The following LRP1B variants were observed in gnomAD, a reference collection of about 807,000 sequenced individuals.
The protein encoded by LRP1B is LDL receptor related protein 1B.
A neutral mutation model predicts 556.6 loss-of-function variants in LRP1B; 217 were observed. The ratio of observed to expected loss-of-function variants is 0.39; its 90% CI spans 0.35 to 0.44. The LOEUF is 0.44. Among genes scored for constraint, LRP1B ranks in the 20% least tolerant of loss-of-function variants. The pLI is 1.00. For synonymous variants in LRP1B, 2,047 were observed against 1,865.8 expected, an observed-to-expected ratio of 1.10 and a Z score of -2.50; for missense variants, 5,053 against 5,620.8, an observed-to-expected ratio of 0.90 and a Z score of 3.23.
chr2:141,466,850 C>T (rs2105057784), intron 3 of LRP1B, among the ~76,000 whole-genome samples: 1 of 151,266 alleles, frequency 6.6e-6, no homozygotes, highest in East Asian at 1.9e-4. Context: ...TTCTGTAAAA[C>T]TACTTTTTTT....
intron 2 of LRP1B, among the ~76,000 whole-genome samples, chr2:141,792,321 A>T (rs773370519): frequency 1.5e-4 from 23 of 152,080 alleles, no homozygotes; most frequent in Middle Eastern, 3.4e-3. Flanking sequence ...CAAAACTCAG[A>T]ATCTTGTCTA....
In LRP1B at chr2:141,136,873, T is replaced by C. The variant is rs575922241; in HGVS notation, c.1013+51548A>G. On this transcript the variant is annotated intron_variant, in intron 7 of 90. Coordinates refer to ENST00000389484, the MANE Select transcript of LRP1B (RefSeq NM_018557.3). ...GTACATGACATGAAGATGAAACAGT[T>C]TGTATAAACCTATGAGTTAAAAGAA... Among the ~76,000 whole-genome samples the C allele has an allele frequency of 7.5e-4, 114 of 151,942 alleles. No homozygotes were observed. The South Asian group carries it at 0.019, about 26-fold the overall frequency.
At chr2:140,473,113 A>T (rs1031191354) in intron 60 of LRP1B, among the ~76,000 whole-genome samples, 4 of 152,002 alleles carry the variant, frequency 2.6e-5, no homozygotes, top group Non-Finnish European at 5.9e-5. Flanking sequence ...AAACATGGCA[A>T]ATTAATGGCT....
chr2:141,277,104 G>A (rs1186975255), intron 3 of LRP1B, among the ~76,000 whole-genome samples: 2 of 152,148 alleles, frequency 1.3e-5, no homozygotes, highest in African/African-American at 4.8e-5. Context: ...AAACATGCAA[G>A]TGCATACGTC....
intron 3 of LRP1B, among the ~76,000 whole-genome samples, chr2:141,360,333 A>G (rs769817808): frequency 2.0e-5 from 3 of 152,262 alleles, no homozygotes; most frequent in Non-Finnish European, 4.4e-5. Context: ...CAAGCTAAGT[A>G]AGACCTTCGT....
In LRP1B at chr2:141,664,190, C is replaced by G. The variant is rs183997535; in HGVS notation, c.205+146089G>C. 2.6e-3 allele frequency among the ~76,000 whole-genome samples: 399 copies of G among 152,202 alleles called. 3 individuals carry two copies. The highest frequency in any genetic ancestry group is 9.4e-3 in the African/African-American group (390 of 41,514). On this transcript the variant is annotated intron_variant, in intron 2 of 90. Transcript: ENST00000389484. ...AAGGCCTTTGATAAAATTCAATGTC[C>G]CTTCATGTTAAAAACTCGCAATAAA...
chr2:141,234,949 A>G (rs1457390726), intron 5 of LRP1B, among the ~76,000 whole-genome samples: 1 of 152,180 alleles, frequency 6.6e-6, no homozygotes, highest in African/African-American at 2.4e-5. Context: ...TTTTCAAAAC[A>G]TAATGGTCAC....
chr2:140,374,471 C>CT (rs2105175014), intron 68 of LRP1B, among the ~76,000 whole-genome samples: 1 of 152,102 alleles, frequency 6.6e-6, no homozygotes, highest in South Asian at 2.1e-4. Flanking sequence ...TAAGAAAAGG[C>CT]TTTTTATGTG....
At chr2:140,294,843 G>A (rs1398951378) in intron 84 of LRP1B, among the ~76,000 whole-genome samples, 1 of 152,064 alleles carries the variant, frequency 6.6e-6, no homozygotes, top group African/African-American at 2.4e-5. Context: ...GTGAAGATGT[G>A]AGCAATACAT....
chr2:141,506,060 T>C (rs1574024024), intron 2 of LRP1B, among the ~76,000 whole-genome samples: 1 of 152,150 alleles, frequency 6.6e-6, no homozygotes, highest in African/African-American at 2.4e-5. Context: ...TTCCTAATCA[T>C]TTGTCATTAG....
intron 11 of LRP1B, among the ~76,000 whole-genome samples, chr2:141,035,220 G>C (rs905169385): frequency 1.3e-5 from 2 of 151,956 alleles, no homozygotes; most frequent in Middle Eastern, 3.2e-3. Context: ...TGGGGGAAGG[G>C]GGGAGGGATA....
intron 7 of LRP1B, among the ~76,000 whole-genome samples, chr2:141,133,602 T>G (rs1368188755): frequency 1.3e-5 from 2 of 152,012 alleles, no homozygotes; most frequent in African/African-American, 4.8e-5. Flanking sequence ...CCTGTAAATA[T>G]TCACTGTTAT....
chr2:141,422,923 G>A (rs1235549697), intron 3 of LRP1B, among the ~76,000 whole-genome samples: 1 of 152,092 alleles, frequency 6.6e-6, no homozygotes, highest in Non-Finnish European at 1.5e-5. Flanking sequence ...AAGTAAGAGG[G>A]AATTATTGTA....
rs192619314 is a variant in LRP1B at position 140,741,641 on chromosome 2, C to G, written c.5759-24825G>C. Among the ~76,000 whole-genome samples the G allele has an allele frequency of 1.1e-4, 17 of 152,268 alleles. 1 individual carries two copies. In the East Asian group the frequency reaches 3.1e-3, roughly 28 times the overall value. ...TTAATTCTCACCGTCCTACCACTCT[C>G]CATTCTCAAGTAGGCCTCTGTGTCT... On this transcript the variant is annotated intron_variant, in intron 35 of 90. Coordinates refer to ENST00000389484, the MANE Select transcript of LRP1B (RefSeq NM_018557.3).
intron 1 of LRP1B, among the ~76,000 whole-genome samples, chr2:142,096,549 T>A (rs1486697426): frequency 6.6e-6 from 1 of 151,524 alleles, no homozygotes; most frequent in East Asian, 1.9e-4. Flanking sequence ...ATAGGCCTCC[T>A]ACTATGATGG....
At chr2:140,251,705 T>C (rs1457917169) in intron 86 of LRP1B, among the ~76,000 whole-genome samples, 1 of 151,690 alleles carries the variant, frequency 6.6e-6, no homozygotes, top group East Asian at 1.9e-4. Flanking sequence ...AAAAAATAAG[T>C]GGCACAAAGG....
At chr2:141,916,417 T>C (rs1486478726) in intron 1 of LRP1B, among the ~76,000 whole-genome samples, 1 of 150,694 alleles carries the variant, frequency 6.6e-6, no homozygotes, top group Non-Finnish European at 1.5e-5. Flanking sequence ...CAGGCTGGAG[T>C]GCAGCGGCAC....
intron 3 of LRP1B, among the ~76,000 whole-genome samples, chr2:141,325,832 G>A (rs1157917207): frequency 5.3e-5 from 8 of 152,066 alleles, no homozygotes; most frequent in Admixed American, 5.2e-4. Context: ...AAGTTGGAAA[G>A]CAGCAAAGAT....
Position 141,613,078 on chromosome 2 carries a change from G to T in LRP1B, c.206-132545C>A, listed in dbSNP as rs149372638. Among the ~76,000 whole-genome samples the T allele has an allele frequency of 4.2e-3, 633 of 152,202 alleles. 6 individuals are homozygous for T. The highest frequency in any genetic ancestry group is 0.014 in the African/African-American group (595 of 41,530). On this transcript the variant is annotated intron_variant, in intron 2 of 90. Coordinates refer to ENST00000389484, the MANE Select transcript of LRP1B (RefSeq NM_018557.3). The stretch of plus-strand genomic sequence containing the variant: ...CCTGCTCAGCCTCCCAAAGTGCTGG[G>T]ATTATAGGCATGAGCCACCGCACCT...
Sources: gnomAD v4.1 joint callset for allele counts (sites outside exome capture counted in the v4.1 genomes callset) on GRCh38, gnomAD v4.1.1 for gene constraint, MANE v1.5 for transcripts, NCBI Gene and HGNC (gene_info 2026-07-23, HGNC 2026-07-21) for gene names.